The following DENND2A variants were observed in gnomAD, a reference collection of about 807,000 sequenced individuals.
DENND2A encodes the protein DENN domain containing 2A.
In DENND2A, 53 loss-of-function variants were observed where a neutral mutation model predicts 105.3. The ratio of observed to expected loss-of-function variants is 0.50; its 90% confidence interval spans 0.40 to 0.63. The LOEUF is 0.63. Ranked by LOEUF, DENND2A falls within the 30% of genes least tolerant of loss-of-function variation. The probability of loss-of-function intolerance (pLI) is 0.00; values close to 1 mark genes in which losing one functional copy is unlikely to be tolerated. For synonymous variants in DENND2A, 522 were observed against 508.4 expected (o/e 1.03, Z -0.36); for missense variants, 1,138 against 1,279.6 (o/e 0.89, Z 1.69).
At chr7:140,630,267 T>C (rs1344434512) in intron 1 of DENND2A, among the ~76,000 whole-genome samples, 4 of 152,042 alleles carry the variant, frequency 2.6e-5, no homozygotes, top group African/African-American at 9.7e-5. Flanking sequence ...TGTACCACCA[T>C]GGCTGGCTAA....
At chr7:140,577,383 G>T (rs1378674758) in intron 5 of DENND2A, among the ~76,000 whole-genome samples, 1 of 151,790 alleles carries the variant, frequency 6.6e-6, no homozygotes. Context: ...TGGACTTAGG[G>T]ATCAGAAAAC....
intron 1 of DENND2A, among the ~76,000 whole-genome samples, chr7:140,631,069 A>G (rs765278120): frequency 2.0e-5 from 3 of 152,132 alleles, no homozygotes; most frequent in African/African-American, 7.2e-5. Context: ...CACTGCACCC[A>G]TTTTACATCC....
rs118132936 is a variant in DENND2A at position 140,634,468 on chromosome 7, T to C, written c.-248+6036A>G. Reference sequence around the variant, plus strand: ...GTTTTGCCCCGAATATTTTATGAATTTCTATTTAATATGAACATTAAAATT... The same window carrying C: ...GTTTTGCCCCGAATATTTTATGAATCTCTATTTAATATGAACATTAAAATT... On this transcript the variant is annotated intron_variant, in intron 1 of 19. Coordinates refer to ENST00000496613, the MANE Select transcript of DENND2A (RefSeq NM_015689.5). 9.1e-3 allele frequency among the ~76,000 whole-genome samples: 1,383 copies of C among 152,334 alleles called. 13 individuals carry two copies. The highest frequency in any genetic ancestry group is 0.012 in the Non-Finnish European group (817 of 68,042).
chr7:140,573,456 G>A (rs1311420111), intron 6 of DENND2A, among the ~76,000 whole-genome samples: 13 of 152,250 alleles, frequency 8.5e-5, no homozygotes, highest in African/African-American at 2.9e-4. Flanking sequence ...TGCCTCTGCA[G>A]CGGGTGTCGA....
rs1023594613 is a variant in DENND2A at position 140,518,538 on chromosome 7, C to A, written c.*169G>T. The A allele has an allele frequency of 1.6e-5, 9 of 550,376 alleles. No individual in the cohort carries two copies. The highest frequency in any genetic ancestry group is 1.4e-4 in the African/African-American group (7 of 51,226). The allele number at this position is 550,376 out of a possible 1,614,324, so 34.1% of individuals were successfully genotyped here. On this transcript the variant is annotated 3_prime_UTR_variant, in exon 20 of 20. Coordinates refer to ENST00000496613, the MANE Select transcript of DENND2A (RefSeq NM_015689.5). ...CCCTTTCTGGGGCTGTCCTCCCAGG[C>A]GGCTCCCAGGTCCTCATCCAGGGAA...
chr7:140,619,433 G>A (rs1039033688), intron 1 of DENND2A, among the ~76,000 whole-genome samples: 2 of 152,088 alleles, frequency 1.3e-5, no homozygotes, highest in African/African-American at 2.4e-5. Context: ...CCAGGGTGAT[G>A]AAAGTGTTCT....
rs958499082 is a variant in DENND2A, at chr7:140,518,476, C to T, written c.*231G>A. The T allele has an allele frequency of 6.6e-6, 3 of 455,994 alleles. No homozygotes were observed. The highest frequency in any genetic ancestry group is 2.0e-5 in the African/African-American group (1 of 49,462). 28.2% of individuals were successfully genotyped at this position (455,994 alleles called of 1,614,324 possible). On this transcript the variant is annotated 3_prime_UTR_variant, in exon 20 of 20. Transcript: ENST00000496613. Reference sequence around the variant, plus strand: ...AAAAAAAACCCAACCACCAAAACAACCCATTTGCATGTCGGCGACACGCCT... The same window carrying T: ...AAAAAAAACCCAACCACCAAAACAATCCATTTGCATGTCGGCGACACGCCT...
intron 13 of DENND2A, among the ~76,000 whole-genome samples, chr7:140,546,012 T>C (rs1457727411): frequency 6.6e-6 from 1 of 152,212 alleles, no homozygotes; most frequent in Non-Finnish European, 1.5e-5. Context: ...AGAGGTGATC[T>C]GGTTTGCTGA....
chr7:140,519,795 G>C, intron 18 of DENND2A, 77 bp from the exon 19 acceptor site: 1 of 1,300,624 alleles, frequency 7.7e-7, no homozygotes, highest in African/African-American at 1.5e-5. Context: ...CTCCCTACCA[G>C]AGAAAAGAGA....
intron 12 of DENND2A, among the ~76,000 whole-genome samples, chr7:140,554,915 T>A (rs927251950): frequency 1.3e-5 from 2 of 152,362 alleles, no homozygotes; most frequent in African/African-American, 4.8e-5. Context: ...AAAACTGTTA[T>A]ATATACATGA....
chr7:140,549,843 C>A (rs1260713739), intron 12 of DENND2A, among the ~76,000 whole-genome samples: 1 of 151,952 alleles, frequency 6.6e-6, no homozygotes, highest in African/African-American at 2.4e-5. Flanking sequence ...GTGGAAACAA[C>A]CCAAATGTCC....
At position 140,521,900 on chromosome 7, in the gene DENND2A, G is replaced by A. The variant is rs759886035; in HGVS notation, c.2866C>T (p.Arg956Trp). The A allele has an allele frequency of 3.1e-6, 5 of 1,614,028 alleles. No individual in the cohort carries two copies. Among genetic ancestry groups the A allele is most frequent in the East Asian group, 2.2e-5 (1 of 44,900 alleles). The part of the protein sequence containing the change: ...LEVFMETQMF[R>W]GFIQERELRR... ...AGCTCCCGCTCCTGGATGAAGCCCCGAAACATCTGAGTCTCCATGAAGACC... is the reference window on the plus strand; with the variant it reads ...AGCTCCCGCTCCTGGATGAAGCCCCAAAACATCTGAGTCTCCATGAAGACC... The change falls in exon 18 of 20, where the codon CGG (arginine) becomes TGG (tryptophan). Residue 956 changes from arginine to tryptophan, a missense_variant. Around this residue, in one of 2 missense-constraint regions of DENND2A, gnomAD observed 627 missense variants for 779.8 expected, o/e 0.80. Coordinates refer to ENST00000496613, the MANE Select transcript of DENND2A (RefSeq NM_015689.5).
At chr7:140,588,514 GT>G (rs1798878484) in intron 3 of DENND2A, among the ~76,000 whole-genome samples, 1 of 152,082 alleles carries the variant, frequency 6.6e-6, no homozygotes, top group South Asian at 2.1e-4. Flanking sequence ...CCTTATTATA[GT>G]ACAGATAGTC....
intron 14 of DENND2A, among the ~76,000 whole-genome samples, chr7:140,542,102 C>T (rs1021168442): frequency 1.3e-5 from 2 of 152,032 alleles, no homozygotes; most frequent in Non-Finnish European, 2.9e-5. Flanking sequence ...TCTCAGGTGG[C>T]CTCATCTGCA....
chr7:140,589,895 C>G (rs1798939491), intron 3 of DENND2A, among the ~76,000 whole-genome samples: 1 of 152,148 alleles, frequency 6.6e-6, no homozygotes, highest in Non-Finnish European at 1.5e-5. Flanking sequence ...TCCCTGTTGT[C>G]TGGGATTATA....
chr7:140,574,378 C>T (rs1475771833), intron 5 of DENND2A, among the ~76,000 whole-genome samples: 1 of 152,056 alleles, frequency 6.6e-6, no homozygotes, highest in Non-Finnish European at 1.5e-5. Context: ...ACTGCCACGC[C>T]CAGCTAATTT....
At chr7:140,607,629 C>A (rs950391753) in intron 1 of DENND2A, among the ~76,000 whole-genome samples, 2 of 152,176 alleles carry the variant, frequency 1.3e-5, no homozygotes, top group Non-Finnish European at 2.9e-5. Flanking sequence ...CAGGAAGGAA[C>A]TCATTTTCCC....
intron 4 of DENND2A, among the ~76,000 whole-genome samples, chr7:140,586,888 C>A (rs148276968): frequency 5.8e-4 from 89 of 152,216 alleles, no homozygotes; most frequent in Admixed American, 1.2e-3. Flanking sequence ...CCCTCACCAG[C>A]ACACACATAT....
chr7:140,574,889 G>A (rs540543718), intron 5 of DENND2A, among the ~76,000 whole-genome samples: 5 of 152,028 alleles, frequency 3.3e-5, no homozygotes, highest in African/African-American at 7.2e-5. Context: ...GCGTGGTGGC[G>A]GGTGCCTGTA....
Sources: allele counts gnomAD v4.1 joint callset (sites outside exome capture counted in the v4.1 genomes callset), GRCh38; gene constraint gnomAD v4.1.1; regional missense constraint gnomAD v4.1.1; transcripts MANE v1.5; gene names NCBI Gene and HGNC (gene_info 2026-07-23, HGNC 2026-07-21).